RTN1: variants seen among roughly 807,000 people sequenced by gnomAD.
The protein encoded by RTN1 is reticulon-1.
A neutral mutation model predicts 65.5 loss-of-function variants in RTN1; 25 were observed. That is an observed-to-expected ratio of 0.38 (90% confidence interval 0.28 to 0.53). The LOEUF is 0.53. RTN1 is among the 20% of genes least tolerant of loss of function. RTN1 has a pLI of 0.79. For synonymous variants in RTN1, 471 were observed against 447.6 expected (o/e 1.05, Z -0.66); for missense variants, 983 against 1,025.4 (o/e 0.96, Z 0.57).
chr14:59,729,167 G>C (rs1036417659), intron 2 of RTN1, among the ~76,000 whole-genome samples: 2 of 152,196 alleles, frequency 1.3e-5, no homozygotes, highest in African/African-American at 2.4e-5. Flanking sequence ...GAGGAAAACA[G>C]ATAATGCAAA....
chr14:59,756,778 C>T (rs1358715279), intron 1 of RTN1, among the ~76,000 whole-genome samples: 1 of 140,858 alleles, frequency 7.1e-6, no homozygotes, highest in Non-Finnish European at 1.5e-5. Flanking sequence ...TTGCTCCCCA[C>T]CCCCCACACA....
intron 1 of RTN1, among the ~76,000 whole-genome samples, chr14:59,784,453 A>G (rs940898675): frequency 6.6e-6 from 1 of 152,110 alleles, no homozygotes; most frequent in Admixed American, 6.5e-5. Flanking sequence ...GAAAAAAAAA[A>G]AAAAAAATTG....
intron 1 of RTN1, among the ~76,000 whole-genome samples, chr14:59,791,162 T>G (rs1352817155): frequency 2.0e-5 from 3 of 152,160 alleles, no homozygotes; most frequent in Non-Finnish European, 4.4e-5. Flanking sequence ...TCATCTCTCC[T>G]TAGCATTCTG....
chr14:59,718,296 C>T (rs188409813), intron 3 of RTN1, among the ~76,000 whole-genome samples: 2 of 152,326 alleles, frequency 1.3e-5, no homozygotes, highest in East Asian at 3.9e-4. Context: ...GCTGAAGTAA[C>T]CAGACTGAGT....
chr14:59,795,918 TATA>T (rs1304427872), intron 1 of RTN1, among the ~76,000 whole-genome samples: 2 of 152,160 alleles, frequency 1.3e-5, no homozygotes, highest in African/African-American at 4.8e-5. Context: ...TTATATTAAA[TATA>T]ATAATTGAAA....
At position 59,727,481 on chromosome 14, in the gene RTN1, G is replaced by C; in HGVS notation, c.1203C>G (p.His401Gln). The change falls in exon 3 of 9, where the codon CAC (histidine) becomes CAG (glutamine). Residue 401 changes from histidine (H) to glutamine (Q), a missense_variant. By Grantham distance (24) the His-to-Gln change is conservative. Around this residue, in one of 2 missense-constraint regions of RTN1, gnomAD observed 818 missense variants for 801.8 expected, o/e 1.02. Transcript: ENST00000267484. The surrounding 1 kb of genome is among the most constrained non-coding windows in gnomAD (Gnocchi z 4.2). ...GPPTIPSPLD[H>Q]EASSAESGDS... ...CCCCCGACTCCGCGCTGCTGGCCTC[G>C]TGGTCCAGGGGGCTGGGGATGGTTG... 1 of 1,582,368 alleles carries C rather than the reference G, an allele frequency of 6.3e-7. No individual in the cohort carries two copies. The highest frequency in any genetic ancestry group is 8.6e-7 in the Non-Finnish European group (1 of 1,164,890).
chr14:59,745,376 A>G (rs949162854), intron 2 of RTN1, among the ~76,000 whole-genome samples: 3 of 152,200 alleles, frequency 2.0e-5, no homozygotes, highest in African/African-American at 7.2e-5. Context: ...AGCAGGCAGT[A>G]CTGAATTCTC....
At chr14:59,783,639 A>G (rs1398105032) in intron 1 of RTN1, among the ~76,000 whole-genome samples, 1 of 152,188 alleles carries the variant, frequency 6.6e-6, no homozygotes, top group African/African-American at 2.4e-5. Flanking sequence ...TCAGAAATCA[A>G]AGATGCAATG....
intron 3 of RTN1, among the ~76,000 whole-genome samples, chr14:59,609,612 A>G (rs1312045149): frequency 6.6e-6 from 1 of 152,174 alleles, no homozygotes. Flanking sequence ...TGGATTGGAG[A>G]CAATAAATTG....
At chr14:59,758,884 A>G (rs1885693105) in intron 1 of RTN1, among the ~76,000 whole-genome samples, 1 of 152,214 alleles carries the variant, frequency 6.6e-6, no homozygotes, top group Admixed American at 6.5e-5. Context: ...CTGAATGCTT[A>G]CTATGTGCAA....
chr14:59,602,882 T>C (rs1881622946), intron 8 of RTN1, among the ~76,000 whole-genome samples, 183 bp downstream of exon 8: 1 of 152,296 alleles, frequency 6.6e-6, no homozygotes, highest in South Asian at 2.1e-4. Flanking sequence ...ATTGAGAGTT[T>C]AAAAACTTAT....
chr14:59,653,388 G>A (rs1453502030), intron 3 of RTN1, among the ~76,000 whole-genome samples: 2 of 152,082 alleles, frequency 1.3e-5, no homozygotes, highest in South Asian at 2.1e-4. Context: ...ACTCACTTTC[G>A]AAAAATTCTA....
intron 1 of RTN1, among the ~76,000 whole-genome samples, chr14:59,859,860 A>G (rs1887676441): frequency 6.6e-6 from 1 of 152,224 alleles, no homozygotes; most frequent in Non-Finnish European, 1.5e-5. Context: ...TGGAACTTCA[A>G]ACTTGAGAGA....
In RTN1 at chr14:59,816,456, G is replaced by A. The variant is rs1477917583; in HGVS notation, c.241+53934C>T. ...GGAAACAAGAATGGAATCCTCTTTA[G>A]CTCTGTATCTCCAGCACTCACACAG... is the stretch of plus-strand genomic sequence containing the variant. On this transcript the variant is annotated intron_variant, in intron 1 of 8. Transcript: ENST00000267484. The surrounding 1 kb of genome is among the most constrained non-coding windows in gnomAD (Gnocchi z 4.3). 2.6e-5 allele frequency among the ~76,000 whole-genome samples: 4 copies of A among 152,136 alleles called. No homozygotes were observed. Among genetic ancestry groups the A allele is most frequent in the Non-Finnish European group, 4.4e-5 (3 of 68,028 alleles).
chr14:59,819,407 CACCACCA>C (rs1348672894), intron 1 of RTN1, among the ~76,000 whole-genome samples: 124 of 17,236 alleles, frequency 7.2e-3, no homozygotes, highest in African/African-American at 0.018. Context: ...GCATCCACAC[CACCACCA>C]CCCCCCCCCC....
At chr14:59,822,907 TG>T (rs1886967648) in intron 1 of RTN1, among the ~76,000 whole-genome samples, 1 of 152,044 alleles carries the variant, frequency 6.6e-6, no homozygotes, top group Admixed American at 6.5e-5. Context: ...TGTTGAAAAT[TG>T]CTTTACGGCC....
At chr14:59,819,385 G>A (rs1886882735) in intron 1 of RTN1, among the ~76,000 whole-genome samples, 1 of 108,840 alleles carries the variant, frequency 9.2e-6, no homozygotes, top group African/African-American at 3.8e-5. Context: ...ATTTTACAGA[G>A]AGCTGATTGG....
intron 3 of RTN1, among the ~76,000 whole-genome samples, chr14:59,641,807 T>G (rs1882787244): frequency 6.6e-6 from 1 of 152,270 alleles, no homozygotes; most frequent in African/African-American, 2.4e-5. Flanking sequence ...CCTTAGTCTC[T>G]GTCTCCTTTT....
At chr14:59,738,257 G>A (rs542656409) in intron 2 of RTN1, among the ~76,000 whole-genome samples, 8 of 152,200 alleles carry the variant, frequency 5.3e-5, no homozygotes, top group African/African-American at 1.9e-4. Flanking sequence ...CTATGCATCT[G>A]ACAAAGGTCT....
Sources: gnomAD v4.1 joint callset for allele counts (sites outside exome capture counted in the v4.1 genomes callset) on GRCh38, gnomAD v4.1.1 for gene constraint, gnomAD v4.1.1 regional missense constraint, Gnocchi (gnomAD v3.1) non-coding constraint, MANE v1.5 for transcripts, NCBI Gene and HGNC (gene_info 2026-07-23, HGNC 2026-07-21) for gene names.